CELF2: variants seen among roughly 807,000 people sequenced by gnomAD.
CELF2 encodes the protein CUG triplet repeat RNA-binding protein 2.
Under a neutral mutation model 62.6 loss-of-function variants are expected in CELF2, and 8 were observed. The ratio of observed to expected loss-of-function variants is 0.13; its 90% CI spans 0.07 to 0.23. CELF2 has a LOEUF of 0.23. Ranked by LOEUF, CELF2 falls within the 10% of genes least tolerant of loss-of-function variation. The probability of loss-of-function intolerance (pLI) is 1.00; values close to 1 mark genes in which losing one functional copy is unlikely to be tolerated. For synonymous variants in CELF2, 258 were observed against 250.0 expected (o/e 1.03, Z -0.30); for missense variants, 333 against 671.0 (o/e 0.50, Z 5.56).
upstream of CELF2, among the ~76,000 whole-genome samples, chr10:10,795,230 T>G (rs2131395669): frequency 6.9e-6 from 1 of 145,866 alleles, no homozygotes; most frequent in East Asian, 2.1e-4. Flanking sequence ...TTGCATTATA[T>G]GGATTCAACT....
intron 5 of CELF2, among the ~76,000 whole-genome samples, chr10:11,261,373 G>A (rs1044016410): frequency 2.7e-5 from 4 of 150,736 alleles, no homozygotes; most frequent in African/African-American, 4.9e-5. Context: ...CTGACCCACA[G>A]CTGTACCCAT....
intron 1 of CELF2, among the ~76,000 whole-genome samples, chr10:10,883,120 C>T (rs1468987408): frequency 1.3e-5 from 2 of 152,124 alleles, no homozygotes; most frequent in African/African-American, 4.8e-5. Flanking sequence ...CTCAAAAATA[C>T]TCTGTCATTC....
intron 1 of CELF2, among the ~76,000 whole-genome samples, chr10:11,035,829 A>G (rs1406676292): frequency 1.3e-5 from 2 of 152,168 alleles, no homozygotes; most frequent in African/African-American, 4.8e-5. Flanking sequence ...CTCTCCCTAA[A>G]TGTTTCTTTT....
the CELF2 span, among the ~76,000 whole-genome samples, chr10:10,759,841 A>G: frequency 6.6e-6 from 1 of 152,104 alleles, no homozygotes; most frequent in African/African-American, 2.4e-5. Context: ...GACAAATTAT[A>G]TTCTTGAAAA....
At chr10:10,543,474 G>A in the CELF2 span, among the ~76,000 whole-genome samples, 1 of 152,176 alleles carries the variant, frequency 6.6e-6, no homozygotes, top group African/African-American at 2.4e-5. Context: ...GTGTTTAAGA[G>A]GACCAGGAAC....
the CELF2 span, among the ~76,000 whole-genome samples, chr10:10,734,873 G>A: frequency 6.6e-6 from 1 of 152,204 alleles, no homozygotes; most frequent in South Asian, 2.1e-4. Flanking sequence ...AAACTGGGAC[G>A]ACTGGGCTCC....
the CELF2 span, among the ~76,000 whole-genome samples, chr10:10,511,591 G>A: frequency 2.6e-5 from 4 of 152,072 alleles, no homozygotes; most frequent in Non-Finnish European, 5.9e-5. Context: ...GAGACCCTGG[G>A]AGCTTTTGTC....
chr10:10,799,449 A>C (rs918754874), intron 1 of CELF2, among the ~76,000 whole-genome samples: 1 of 152,048 alleles, frequency 6.6e-6, no homozygotes, highest in Non-Finnish European at 1.5e-5. Context: ...ACACCAGTGC[A>C]CTCCAGCCTG....
rs1298908039 is a variant in CELF2, at chr10:11,226,600, C to CCACACAAACACACACACACACACACA, written c.354+9099_354+9100insAACACACACACACACACACACACACA. Among the ~76,000 whole-genome samples, 90 of 25,952 alleles carry CCACACAAACACACACACACACACACA rather than the reference C, an allele frequency of 3.5e-3. 1 individual carries two copies. The highest frequency in any genetic ancestry group is 5.4e-3 in the African/African-American group (90 of 16,770). The allele number at this position is 25,952 out of a possible 152,430, so 17.0% of individuals were successfully genotyped here. A position where few individuals can be genotyped will look rare whatever the true frequency, so the allele number is the denominator to read the frequency against. ...TAGAAGTCAGCTGGGCAGGCAGTGG[C>CCACACAAACACACACACACACACACA]CACACACACACACACACACACACAC... On this transcript the variant is annotated intron_variant, in intron 3 of 12. Transcript: ENST00000633077.
chr10:11,240,065 T>C (rs7915594), intron 3 of CELF2, among the ~76,000 whole-genome samples: 65,444 of 151,966 alleles, frequency 0.43, 14,197 homozygotes, highest in African/African-American at 0.5. Context: ...AAAAAGTTTT[T>C]TGTGTGCCTA....
chr10:10,599,662 G>A, the CELF2 span, among the ~76,000 whole-genome samples: 886 of 151,856 alleles, frequency 5.8e-3, 2 homozygotes, highest in Non-Finnish European at 8.2e-3. Flanking sequence ...CAAACCACCT[G>A]CGACGTGTTT....
At chr10:11,034,712 G>C (rs4372351) in intron 1 of CELF2, among the ~76,000 whole-genome samples, 62,381 of 151,970 alleles carry the variant, frequency 0.41, 13,373 homozygotes, top group East Asian at 0.77. Context: ...TGCTCCATTA[G>C]GTCAGGTTGA....
At chr10:10,913,573 T>TTTTTTTTTTTTTTTTG (rs1377070025) in intron 1 of CELF2, among the ~76,000 whole-genome samples, 1 of 150,670 alleles carries the variant, frequency 6.6e-6, no homozygotes, top group African/African-American at 2.5e-5. Flanking sequence ...GTATTTTTAG[T>TTTTTTTTTTTTTTTTG]AGAGATGGGG....
intron 1 of CELF2, among the ~76,000 whole-genome samples, chr10:11,069,672 A>G (rs1423891367): frequency 6.6e-6 from 1 of 152,218 alleles, no homozygotes; most frequent in African/African-American, 2.4e-5. Context: ...GGTGGTTAGA[A>G]GGAATATATG....
chr10:11,130,735 A>G (rs543132707), intron 1 of CELF2, among the ~76,000 whole-genome samples: 1 of 152,232 alleles, frequency 6.6e-6, no homozygotes, highest in Non-Finnish European at 1.5e-5. Flanking sequence ...CTATGCCAAT[A>G]ATTGTTGGGT....
chr10:10,696,331 G>A, the CELF2 span, among the ~76,000 whole-genome samples: 2 of 151,766 alleles, frequency 1.3e-5, no homozygotes, highest in African/African-American at 2.4e-5. Context: ...CAGGGGTCAG[G>A]GACCCACTTG....
chr10:11,181,191 A>C (rs1445513065), intron 2 of CELF2, among the ~76,000 whole-genome samples: 2 of 152,054 alleles, frequency 1.3e-5, no homozygotes, highest in Admixed American at 6.6e-5. Flanking sequence ...TTTAAACCTA[A>C]ATATTTTGTT....
At chr10:11,021,606 A>G (rs1349463736) in intron 1 of CELF2, among the ~76,000 whole-genome samples, 1 of 152,190 alleles carries the variant, frequency 6.6e-6, no homozygotes, top group Admixed American at 6.5e-5. Context: ...GCCATGCGCC[A>G]GGATAGTTTA....
At chr10:10,667,321 C>T in the CELF2 span, among the ~76,000 whole-genome samples, 1 of 152,168 alleles carries the variant, frequency 6.6e-6, no homozygotes, top group Admixed American at 6.5e-5. Context: ...GTTAAAACGA[C>T]CACGCGTTTG....
Sources: allele counts gnomAD v4.1 joint callset (sites outside exome capture counted in the v4.1 genomes callset), GRCh38; gene constraint gnomAD v4.1.1; transcripts MANE v1.5; gene names NCBI Gene and HGNC (gene_info 2026-07-23, HGNC 2026-07-21).